The following DLG5 variants were observed in gnomAD, a reference collection of about 807,000 sequenced individuals.
DLG5 encodes disks large homolog 5.
A neutral mutation model predicts 189.8 loss-of-function variants in DLG5; 48 were observed. The observed-to-expected ratio is 0.25, with a 90% CI of 0.20 to 0.32. The LOEUF (loss-of-function observed/expected upper bound fraction) is 0.32, where lower values mean the gene tolerates loss of function less well. Among genes scored for constraint, DLG5 ranks in the 10% least tolerant of loss-of-function variants. DLG5 has a pLI of 1.00. For synonymous variants in DLG5, 1,016 were observed against 1,054.1 expected (o/e 0.96, Z 0.70); for missense variants, 2,160 against 2,544.7 (o/e 0.85, Z 3.25).
chr10:77,829,643 C>G, intron 11 of DLG5, 113 bp from the exon 12 acceptor site: 1 of 1,280,322 alleles, frequency 7.8e-7, no homozygotes, highest in Non-Finnish European at 1.1e-6. Flanking sequence ...CTCACATACA[C>G]GCTCAGAAAA....
chr10:77,828,774 CACA>C (rs1460115307), intron 13 of DLG5, 105 bp downstream of exon 13: 3 of 1,022,972 alleles, frequency 2.9e-6, no homozygotes, highest in East Asian at 2.5e-5. Flanking sequence ...GTACAATGCC[CACA>C]ACAAGGAAAA....
intron 25 of DLG5, 50 bp from the exon 26 acceptor site, chr10:77,806,978 G>A (rs1456465148): frequency 1.3e-6 from 2 of 1,580,642 alleles, no homozygotes; most frequent in Non-Finnish European, 1.7e-6. Context: ...GGCCACCAAG[G>A]ACGAACCAGG....
intron 25 of DLG5, 25 bp downstream of exon 25, chr10:77,807,771 C>T (rs986721925): frequency 1.3e-5 from 21 of 1,606,766 alleles, no homozygotes; most frequent in Non-Finnish European, 1.7e-5. Context: ...TCCAAATCTC[C>T]CACCGATTCC....
intron 27 of DLG5, among the ~76,000 whole-genome samples, chr10:77,800,568 G>A (rs1303873143): frequency 6.6e-6 from 1 of 151,930 alleles, no homozygotes; most frequent in Non-Finnish European, 1.5e-5. Flanking sequence ...CGGGGCCGCC[G>A]CTGAGGGCTG....
At chr10:77,803,273 ACAAT>A (rs1568119266) in intron 27 of DLG5, among the ~76,000 whole-genome samples, 3 of 152,230 alleles carry the variant, frequency 2.0e-5, no homozygotes, top group Admixed American at 6.5e-5. Flanking sequence ...TCTTGATGAA[ACAAT>A]CAAGACTGCC....
At chr10:77,925,437 C>A (rs1371892102) in intron 1 of DLG5, among the ~76,000 whole-genome samples, 8 of 152,198 alleles carry the variant, frequency 5.3e-5, no homozygotes, top group Non-Finnish European at 2.9e-5. Flanking sequence ...TCAGAAACTC[C>A]CGCCAGTATC....
At chr10:77,806,533 T>C (rs1004685931) in intron 26 of DLG5, among the ~76,000 whole-genome samples, 16 of 152,202 alleles carry the variant, frequency 1.1e-4, no homozygotes, top group Admixed American at 1.0e-3. Context: ...TAAAACACGT[T>C]ATGCCTTCTG....
chr10:77,882,298 G>A (rs1389903436), intron 1 of DLG5, among the ~76,000 whole-genome samples: 1 of 152,210 alleles, frequency 6.6e-6, no homozygotes, highest in African/African-American at 2.4e-5. Context: ...CTTTTTCTGA[G>A]CCTCGGTGTC....
intron 27 of DLG5, among the ~76,000 whole-genome samples, chr10:77,804,986 T>C (rs1354741129): frequency 6.6e-6 from 1 of 152,162 alleles, no homozygotes; most frequent in Non-Finnish European, 1.5e-5. Flanking sequence ...TTAATTATTT[T>C]TTGAGACAGG....
chr10:77,924,794 G>C (rs1846637519), intron 1 of DLG5, among the ~76,000 whole-genome samples: 1 of 152,074 alleles, frequency 6.6e-6, no homozygotes, highest in South Asian at 2.1e-4. Flanking sequence ...GTGGAGACGG[G>C]AGGGCCACCA....
chr10:77,894,061 C>CAA (rs1845688294), intron 1 of DLG5, among the ~76,000 whole-genome samples: 1 of 152,224 alleles, frequency 6.6e-6, no homozygotes, highest in Non-Finnish European at 1.5e-5. Flanking sequence ...GAAGATGGTG[C>CAA]GTTTCTACTG....
At chr10:77,806,731 C>CCCCCCCCCCCCCCCCCCG in intron 26 of DLG5, 27 bp downstream of exon 26, 1 of 1,572,186 alleles carries the variant, frequency 6.4e-7, no homozygotes, top group Non-Finnish European at 8.7e-7. Flanking sequence ...CCTGCCCCAC[C>CCCCCCCCCCCCCCCCCCG]CCACCCCAGG....
At chr10:77,816,194 A>G in intron 20 of DLG5, 1 of 541,138 alleles carries the variant, frequency 1.8e-6, no homozygotes, top group Non-Finnish European at 3.5e-6. Flanking sequence ...CAGGGATAAC[A>G]ATAATAACGA....
chr10:77,902,609 C>T (rs1289340665), intron 1 of DLG5, among the ~76,000 whole-genome samples: 1 of 151,898 alleles, frequency 6.6e-6, no homozygotes, highest in Admixed American at 6.6e-5. Flanking sequence ...ACCTGTAATC[C>T]CAGCACTTTG....
the DLG5 span, among the ~76,000 whole-genome samples, chr10:77,933,168 A>T: frequency 1.3e-5 from 2 of 152,134 alleles, no homozygotes; most frequent in Admixed American, 6.6e-5. Flanking sequence ...TCTCCTTGAA[A>T]AGGGTTTGGT....
chr10:77,822,958 G>T (rs571137416), intron 14 of DLG5, among the ~76,000 whole-genome samples: 1 of 152,270 alleles, frequency 6.6e-6, no homozygotes, highest in South Asian at 2.1e-4. Context: ...TTAGAGCAGT[G>T]AAACTACTCT....
intron 2 of DLG5, among the ~76,000 whole-genome samples, 159 bp from the exon 3 acceptor site, chr10:77,857,051 G>A (rs149498595): frequency 6.6e-5 from 10 of 152,222 alleles, no homozygotes; most frequent in Admixed American, 4.6e-4. Flanking sequence ...AGCCACAGAC[G>A]GTAGCAGGTA....
At chr10:77,875,710 C>T (rs1468236131) in intron 1 of DLG5, among the ~76,000 whole-genome samples, 2 of 152,076 alleles carry the variant, frequency 1.3e-5, no homozygotes, top group Non-Finnish European at 2.9e-5. Context: ...TTAAAGACCT[C>T]CTGGGATGCT....
At position 77,827,320 on chromosome 10, in the gene DLG5, G is replaced by T. The variant is rs183959893; in HGVS notation, c.2289+1562C>A. Among the ~76,000 whole-genome samples the T allele has an allele frequency of 3.6e-3, 555 of 152,242 alleles. 4 individuals carry two copies. The highest frequency in any genetic ancestry group is 0.012 in the African/African-American group (517 of 41,554). On this transcript the variant is annotated intron_variant, in intron 13 of 31. Coordinates refer to ENST00000372391, the MANE Select transcript of DLG5 (RefSeq NM_004747.4). ...GGCTCACTGCAACCTCTGCCTCCCA[G>T]GTTCAAGTGATTCTCCTGCCTCAGC...
Sources: gnomAD v4.1 joint callset for allele counts (sites outside exome capture counted in the v4.1 genomes callset) on GRCh38, gnomAD v4.1.1 for gene constraint, MANE v1.5 for transcripts, NCBI Gene and HGNC (gene_info 2026-07-23, HGNC 2026-07-21) for gene names.